Variants in QKI observed in about 807,000 individuals in gnomAD.
The protein encoded by QKI is QKI, KH domain containing RNA binding.
QKI carries 10 observed loss-of-function variants against 39.0 expected under a neutral mutation model. The ratio of observed to expected loss-of-function variants is 0.26; its 90% CI spans 0.16 to 0.43. QKI has a LOEUF of 0.43. QKI is among the 20% of genes least tolerant of loss of function. The pLI is 1.00. For synonymous variants in QKI, 204 were observed against 155.4 expected (o/e 1.31, Z -2.33); for missense variants, 218 against 428.0 (o/e 0.51, Z 4.33).
At chr6:163,440,000 G>C (rs1582990456) in intron 1 of QKI, among the ~76,000 whole-genome samples, 1 of 152,138 alleles carries the variant, frequency 6.6e-6, no homozygotes, top group East Asian at 1.9e-4. Context: ...ATGGTGAAAA[G>C]CTTAAATGAG....
At chr6:163,429,168 T>C (rs930007691) in intron 1 of QKI, among the ~76,000 whole-genome samples, 3 of 152,380 alleles carry the variant, frequency 2.0e-5, no homozygotes, top group African/African-American at 4.8e-5. Context: ...TTGTTTCTTA[T>C]AGTTGTTAGA....
At chr6:163,431,598 A>AT (rs1184647901) in intron 1 of QKI, among the ~76,000 whole-genome samples, 2 of 152,156 alleles carry the variant, frequency 1.3e-5, no homozygotes, top group Admixed American at 6.5e-5. Context: ...TTAAACAAAC[A>AT]TTAAGATGCA....
At chr6:163,457,893 A>T (rs185991948) in intron 2 of QKI, among the ~76,000 whole-genome samples, 1 of 152,156 alleles carries the variant, frequency 6.6e-6, no homozygotes, top group African/African-American at 2.4e-5. Context: ...GTGACTGTGT[A>T]TGGAAGGAGG....
chr6:163,577,924 TTG>T lies in QKI; in HGVS notation c.*7217_*7218del, dbSNP rs1359294047. ...ATGATTACCCCTTTTATACAGTAAT[TTG>T]TGGTCTTTAGAAAGCAGTTAAACTA... On this transcript the variant is annotated 3_prime_UTR_variant, in exon 8 of 8. Coordinates refer to ENST00000361752, the MANE Select transcript of QKI (RefSeq NM_006775.3). 6.6e-6 allele frequency: 1 copy of T among 152,194 alleles called. No homozygotes were observed. Among genetic ancestry groups the T allele is most frequent in the African/African-American group, 2.4e-5 (1 of 41,454 alleles). The allele number at this position is 152,194 out of a possible 1,614,324, so 9.4% of individuals were successfully genotyped here. A position where few individuals can be genotyped will look rare whatever the true frequency, so the allele number is the denominator to read the frequency against.
Position 163,530,453 on chromosome 6 carries a change from T to C in QKI, c.403-4529T>C, listed in dbSNP as rs550177015. ...CCTTTTGGGGTGTGTTTTATTGATT[T>C]CTCTATAAAATTTGCCAATCCCAGA... On this transcript the variant is annotated intron_variant, in intron 3 of 7. Transcript: ENST00000361752. Among the ~76,000 whole-genome samples, 6 of 152,326 alleles carry C rather than the reference T, an allele frequency of 3.9e-5. No homozygotes were observed. The South Asian group carries it at 1.2e-3, about 32-fold the overall frequency.
At chr6:163,506,458 A>T (rs1583120165) in intron 3 of QKI, among the ~76,000 whole-genome samples, 1 of 152,360 alleles carries the variant, frequency 6.6e-6, no homozygotes, top group East Asian at 1.9e-4. Context: ...CATTGTACAA[A>T]TGAAGAAGAA....
rs527555286 is a variant in QKI, at chr6:163,462,247, C to T, written c.285+6826C>T. On this transcript the variant is annotated intron_variant, in intron 2 of 7. Transcript: ENST00000361752. ...CTGGGATTACAGGCGGGAGCCACTG[C>T]GCCCAGCCAGAAAACATATTTTATG... Among the ~76,000 whole-genome samples the T allele has an allele frequency of 3.9e-5, 6 of 152,216 alleles. No individual in the cohort carries two copies. In the East Asian group the frequency reaches 7.7e-4, roughly 20 times the overall value.
intron 3 of QKI, among the ~76,000 whole-genome samples, chr6:163,489,424 C>CTG (rs66826538): frequency 0.066 from 9,859 of 148,924 alleles, 354 homozygotes; most frequent in African/African-American, 0.095. Context: ...AGAAGTTATG[C>CTG]TGTGTGTGTG....
chr6:163,500,024 G>T (rs554533260), intron 3 of QKI, among the ~76,000 whole-genome samples: 7 of 152,268 alleles, frequency 4.6e-5, no homozygotes, highest in Middle Eastern at 3.4e-3. Context: ...GGTTGACATG[G>T]GGAGGTCTGC....
chr6:163,464,537 T>A (rs1281945529), intron 2 of QKI, among the ~76,000 whole-genome samples: 1 of 151,840 alleles, frequency 6.6e-6, no homozygotes, highest in African/African-American at 2.4e-5. Flanking sequence ...AATAATAAGA[T>A]CATAAAAGAC....
chr6:163,474,214 T>C (rs1398239331), intron 2 of QKI, among the ~76,000 whole-genome samples: 1 of 152,192 alleles, frequency 6.6e-6, no homozygotes, highest in Non-Finnish European at 1.5e-5. Flanking sequence ...AGTTTAAGAT[T>C]AAACTTTATG....
At chr6:163,565,571 AATT>A in intron 6 of QKI, 1 of 990,246 alleles carries the variant, frequency 1.0e-6, no homozygotes, top group Non-Finnish European at 1.2e-6. Flanking sequence ...ATAGAAACTT[AATT>A]ATTAGACTGG....
At position 163,576,642 on chromosome 6, in the gene QKI, G is replaced by A. The variant is rs994067904; in HGVS notation, c.*5932G>A. The A allele has an allele frequency of 2.0e-5, 3 of 152,058 alleles. No individual in the cohort carries two copies. Among genetic ancestry groups the A allele is most frequent in the Non-Finnish European group, 2.9e-5 (2 of 68,004 alleles). The allele number at this position is 152,058 out of a possible 1,614,324, so 9.4% of individuals were successfully genotyped here. A position where few individuals can be genotyped will look rare whatever the true frequency, so the allele number is the denominator to read the frequency against. On this transcript the variant is annotated 3_prime_UTR_variant, in exon 8 of 8. Coordinates refer to ENST00000361752, the MANE Select transcript of QKI (RefSeq NM_006775.3). ...CATGTGAACGGAGAACTGCATGACC[G>A]TACATGAAATGCAATAAACCAACTG...
Position 163,415,011 on chromosome 6 carries a change from G to A in QKI, c.-183G>A. On this transcript the variant is annotated 5_prime_UTR_variant, in exon 1 of 8. Coordinates refer to ENST00000361752, the MANE Select transcript of QKI (RefSeq NM_006775.3). The stretch of plus-strand genomic sequence containing the variant: ...CGGGCCCGGGCGGAAAGTGCCTGCG[G>A]GGGGCGGGCGAGCGCGCGGTGCCGG... 3 of 485,556 alleles carry A rather than the reference G, an allele frequency of 6.2e-6. No homozygotes were observed. The highest frequency in any genetic ancestry group is 1.7e-4 in the South Asian group (2 of 11,832). 30.1% of individuals were successfully genotyped at this position (485,556 alleles called of 1,614,324 possible).
At chr6:163,540,523 GT>G (rs541502804) in intron 4 of QKI, among the ~76,000 whole-genome samples, 1 of 152,070 alleles carries the variant, frequency 6.6e-6, no homozygotes, top group South Asian at 2.1e-4. Flanking sequence ...AGACTTCTTT[GT>G]TTTTTACCAA....
chr6:163,553,603 CAT>C (rs1476843139), intron 4 of QKI, among the ~76,000 whole-genome samples: 1 of 151,942 alleles, frequency 6.6e-6, no homozygotes, highest in Non-Finnish European at 1.5e-5. Context: ...AGTTGTGAAT[CAT>C]ATAAATCCTT....
At chr6:163,419,849 C>T (rs1045362408) in intron 1 of QKI, among the ~76,000 whole-genome samples, 2 of 152,140 alleles carry the variant, frequency 1.3e-5, no homozygotes, top group African/African-American at 4.8e-5. Flanking sequence ...AACACTTTTT[C>T]TTAAATGACT....
At chr6:163,524,035 T>A (rs1384022036) in intron 3 of QKI, among the ~76,000 whole-genome samples, 1 of 152,186 alleles carries the variant, frequency 6.6e-6, no homozygotes, top group Non-Finnish European at 1.5e-5. Flanking sequence ...TTTCATTAAG[T>A]TTTTATAAAT....
At chr6:163,516,441 C>T (rs1017631674) in intron 3 of QKI, among the ~76,000 whole-genome samples, 32 of 152,030 alleles carry the variant, frequency 2.1e-4, no homozygotes, top group Admixed American at 5.2e-4. Context: ...ACTATAGGCG[C>T]ACACCACCAT....
Sources: gnomAD v4.1 joint callset for allele counts (sites outside exome capture counted in the v4.1 genomes callset) on GRCh38, gnomAD v4.1.1 for gene constraint, MANE v1.5 for transcripts, NCBI Gene and HGNC (gene_info 2026-07-23, HGNC 2026-07-21) for gene names.